ECRG4: variants seen among roughly 807,000 people sequenced by gnomAD.
ECRG4 encodes ECRG4 augurin precursor.
In ECRG4, 18 loss-of-function variants were observed where a neutral mutation model predicts 15.8. The observed-to-expected ratio is 1.14, with a 90% CI of 0.79 to 1.69. ECRG4 has a LOEUF of 1.69. Among genes scored for constraint, ECRG4 ranks in the 40% most tolerant of loss-of-function variants. The pLI, the probability that ECRG4 is intolerant of heterozygous loss-of-function variation, is 0.00. For synonymous variants in ECRG4, 82 were observed against 73.9 expected, an observed-to-expected ratio of 1.11 and a Z score of -0.56; for missense variants, 200 against 190.9, an observed-to-expected ratio of 1.05 and a Z score of -0.28.
intron 3 of ECRG4, chr2:106,074,325 G>A (rs1371096711): frequency 1.4e-5 from 5 of 346,784 alleles, no homozygotes; most frequent in Admixed American, 4.1e-5. Flanking sequence ...TGACTTTCTC[G>A]GGAACCCTTT....
Position 106,070,959 on chromosome 2 carries a change from A to C in ECRG4, c.80-885A>C, listed in dbSNP as rs769617420. The C allele has an allele frequency of 5.9e-5, 28 of 471,270 alleles. 1 individual carries two copies. The highest frequency in any genetic ancestry group is 4.3e-4 in the South Asian group (28 of 64,572). 29.2% of individuals were successfully genotyped at this position (471,270 alleles called of 1,614,324 possible). On this transcript the variant is annotated intron_variant, in intron 1 of 3. Coordinates refer to ENST00000238044, the MANE Select transcript of ECRG4 (RefSeq NM_032411.3). ...GGGTCAGAGGCTCCTATAGGTCTGC[A>C]AGCCAGTTCGCTGGGTGGAGGCGTG... is the stretch of plus-strand genomic sequence containing the variant.
intron 3 of ECRG4, among the ~76,000 whole-genome samples, chr2:106,076,281 A>G (rs1439319779): frequency 6.6e-6 from 1 of 152,214 alleles, no homozygotes; most frequent in African/African-American, 2.4e-5. Flanking sequence ...AGATCATGCC[A>G]CTTCACTCCA....
chr2:106,065,870 G>T, intron 1 of ECRG4, 27 bp downstream of exon 1: 1 of 1,462,304 alleles, frequency 6.8e-7, no homozygotes, highest in Non-Finnish European at 9.0e-7. Context: ...CAGGCTGATT[G>T]ATAGCGGCAC....
At position 106,074,038 on chromosome 2, in the gene ECRG4, G is replaced by T; in HGVS notation, c.280G>T (p.Glu94Ter). ...GCAGTTTCTCTACATGGGCTTTGAC[G>T]AAGCGGTAGGTGTTGCCTCCGGCTG... ...YQQFLYMGFD[E>*]AKFEDDITYW... is the part of the protein sequence containing the mutation. Residue 94 changes from glutamate (E) to a stop codon, truncating the protein, a stop_gained, in exon 3 of 4, where the codon GAA becomes TAA. Coordinates refer to ENST00000238044, the MANE Select transcript of ECRG4 (RefSeq NM_032411.3). LOFTEE classifies it high-confidence loss of function. 1 of 1,612,304 alleles carries T rather than the reference G, an allele frequency of 6.2e-7. No homozygotes were observed. Among genetic ancestry groups the T allele is most frequent in the Non-Finnish European group, 8.5e-7 (1 of 1,179,564 alleles).
At chr2:106,070,952 G>C (rs1676352699) in intron 1 of ECRG4, 1 of 471,200 alleles carries the variant, frequency 2.1e-6, no homozygotes, top group South Asian at 1.5e-5. Context: ...GGCTCCTATA[G>C]GTCTGCAAGC....
intron 1 of ECRG4, among the ~76,000 whole-genome samples, chr2:106,070,239 C>A (rs979942935): frequency 1.3e-5 from 2 of 152,196 alleles, no homozygotes; most frequent in African/African-American, 4.8e-5. Flanking sequence ...CCTGGACAAC[C>A]AGAAAGTGTG....
Position 106,074,043 on chromosome 2 carries a change from G to A in ECRG4, c.285G>A (p.Ala95=), listed in dbSNP as rs183729457. 6.2e-6 allele frequency: 10 copies of A among 1,611,822 alleles called. No individual in the cohort carries two copies. The highest frequency in any genetic ancestry group is 2.2e-5 in the East Asian group (1 of 44,854). Residue 95 remains alanine (A), a splice_region_variant and synonymous_variant, in exon 3 of 4, where the codon GCG becomes GCA. Coordinates refer to ENST00000238044, the MANE Select transcript of ECRG4 (RefSeq NM_032411.3). ...TTCTCTACATGGGCTTTGACGAAGCGGTAGGTGTTGCCTCCGGCTGCAGGC... is the reference window on the plus strand; with the variant it reads ...TTCTCTACATGGGCTTTGACGAAGCAGTAGGTGTTGCCTCCGGCTGCAGGC... The part of the protein sequence containing the change: ...QQFLYMGFDE[A]KFEDDITYWL...
intron 1 of ECRG4, among the ~76,000 whole-genome samples, chr2:106,068,523 T>C (rs1162877566): frequency 6.6e-6 from 1 of 152,176 alleles, no homozygotes; most frequent in Non-Finnish European, 1.5e-5. Flanking sequence ...ATAGCTAAGG[T>C]TTGGCGAGGC....
intron 1 of ECRG4, among the ~76,000 whole-genome samples, chr2:106,071,322 T>TAAAAAAAAAAGAAAAAA (rs1676362803): frequency 1.3e-5 from 1 of 78,332 alleles, no homozygotes; most frequent in African/African-American, 5.9e-5. Flanking sequence ...GGTAAGGCTG[T>TAAAAAAAAAAGAAAAAA]AAAAAAAAAA....
chr2:106,070,914 C>T (rs781044733), intron 1 of ECRG4: 8 of 471,166 alleles, frequency 1.7e-5, no homozygotes, highest in Admixed American at 4.7e-5. Flanking sequence ...TCACTACTTA[C>T]GATGTCATGC....
chr2:106,070,680 A>C, intron 1 of ECRG4: 1 of 206,648 alleles, frequency 4.8e-6, no homozygotes, highest in South Asian at 7.6e-5. Flanking sequence ...AGGCATTCTT[A>C]ATTTTATTTG....
intron 3 of ECRG4, among the ~76,000 whole-genome samples, chr2:106,075,677 G>A (rs4851914): frequency 0.96 from 145,497 of 152,228 alleles, 69,620 homozygotes; most frequent in Non-Finnish European, 0.98. Flanking sequence ...AGCTGAGATC[G>A]CACCACTGCA....
chr2:106,067,058 C>G (rs981828952), intron 1 of ECRG4, among the ~76,000 whole-genome samples: 7 of 3,390 alleles, frequency 2.1e-3, no homozygotes, highest in South Asian at 0.015. Flanking sequence ...CTTTGGGAGG[C>G]CGGGGGGGGG....
At chr2:106,073,470 T>C (rs1483571980) in intron 2 of ECRG4, among the ~76,000 whole-genome samples, 1 of 152,138 alleles carries the variant, frequency 6.6e-6, no homozygotes, top group East Asian at 1.9e-4. Context: ...CACAACCCTC[T>C]TGTGTTGGCA....
intron 3 of ECRG4, among the ~76,000 whole-genome samples, chr2:106,076,285 C>T (rs1327365678): frequency 6.6e-6 from 1 of 152,182 alleles, no homozygotes; most frequent in African/African-American, 2.4e-5. Context: ...CATGCCACTT[C>T]ACTCCAGCCT....
chr2:106,077,577 CTT>C (rs1314244571), intron 3 of ECRG4, among the ~76,000 whole-genome samples, 186 bp from the exon 4 acceptor site: 1 of 152,164 alleles, frequency 6.6e-6, no homozygotes, highest in South Asian at 2.1e-4. Context: ...GAAAAGATAG[CTT>C]TTATCAGAGT....
At chr2:106,067,057 GC>G (rs1388728736) in intron 1 of ECRG4, among the ~76,000 whole-genome samples, 4 of 84,810 alleles carry the variant, frequency 4.7e-5, no homozygotes, top group African/African-American at 1.2e-4. Context: ...ACTTTGGGAG[GC>G]CGGGGGGGGG....
At chr2:106,066,222 C>T (rs1287021514) in intron 1 of ECRG4, among the ~76,000 whole-genome samples, 1 of 152,222 alleles carries the variant, frequency 6.6e-6, no homozygotes, top group Non-Finnish European at 1.5e-5. Flanking sequence ...GGCACCATCA[C>T]CGCCATTCCC....
chr2:106,066,116 C>A (rs529506622), intron 1 of ECRG4, among the ~76,000 whole-genome samples: 1 of 152,306 alleles, frequency 6.6e-6, no homozygotes, highest in African/African-American at 2.4e-5. Flanking sequence ...GAGGGCCAGG[C>A]GTCCGAAGGG....
Sources: allele counts gnomAD v4.1 joint callset (sites outside exome capture counted in the v4.1 genomes callset), GRCh38; gene constraint gnomAD v4.1.1; transcripts MANE v1.5; gene names NCBI Gene and HGNC (gene_info 2026-07-23, HGNC 2026-07-21).